Variants in SYN1 observed in about 807,000 individuals in gnomAD.
SYN1 encodes synapsin I.
Under a neutral mutation model 44.6 loss-of-function variants are expected in SYN1, and 8 were observed. That is an observed-to-expected ratio of 0.18 (90% confidence interval 0.11 to 0.32). SYN1 has a LOEUF of 0.32. Among genes scored for constraint, SYN1 ranks in the 10% least tolerant of loss-of-function variants. SYN1 has a pLI of 1.00. For synonymous variants in SYN1, 275 were observed against 280.1 expected, an observed-to-expected ratio of 0.98 and a Z score of 0.18; for missense variants, 451 against 639.4, an observed-to-expected ratio of 0.71 and a Z score of 3.18.
intron 5 of SYN1, among the ~76,000 whole-genome samples, chrX:47,603,311 C>T (rs2057885491): frequency 9.0e-6 from 1 of 111,290 alleles, no homozygotes; most frequent in Non-Finnish European, 1.9e-5. Flanking sequence ...ATCTTCCCAC[C>T]TCAGCTTCCC....
At chrX:47,609,221 G>A (rs1172616266) in intron 1 of SYN1, among the ~76,000 whole-genome samples, 1 of 112,231 alleles carries the variant, frequency 8.9e-6, no homozygotes, top group Non-Finnish European at 1.9e-5. Context: ...CAGGGACAAT[G>A]TACCTTGAAT....
At chrX:47,586,704 G>T (rs764806104) in intron 5 of SYN1, 1 of 1,205,230 alleles carries the variant, frequency 8.3e-7, no homozygotes. Flanking sequence ...CCTGCCCGGA[G>T]TGGAAGCTGA....
chrX:47,596,148 G>A (rs1026743219), intron 5 of SYN1, among the ~76,000 whole-genome samples: 1 of 111,903 alleles, frequency 8.9e-6, no homozygotes, highest in Non-Finnish European at 1.9e-5. Context: ...CATTTCCAGA[G>A]AACTGTCTTT....
intron 5 of SYN1, among the ~76,000 whole-genome samples, chrX:47,581,669 C>T (rs749411778): frequency 8.9e-6 from 1 of 112,199 alleles, no homozygotes; most frequent in South Asian, 3.7e-4. Context: ...TTTCCTCATC[C>T]GTAAAACGGG....
intron 5 of SYN1, among the ~76,000 whole-genome samples, chrX:47,599,861 C>T (rs1221148753): frequency 1.8e-5 from 2 of 111,309 alleles, no homozygotes. Context: ...GATTCAAAGA[C>T]CCAAATAAGT....
At chrX:47,602,711 G>A (rs2057883661) in intron 5 of SYN1, among the ~76,000 whole-genome samples, 1 of 111,531 alleles carries the variant, frequency 9.0e-6, no homozygotes, top group East Asian at 2.8e-4. Flanking sequence ...CACTGTTGAC[G>A]TATATCAGTG....
chrX:47,577,675 C>T (rs1247976530), intron 5 of SYN1, among the ~76,000 whole-genome samples, 174 bp from the exon 6 acceptor site: 2 of 110,653 alleles, frequency 1.8e-5, no homozygotes, highest in Non-Finnish European at 3.8e-5. Flanking sequence ...TCTCCACCTC[C>T]GGGCCCAGAA....
intron 5 of SYN1, chrX:47,586,806 AGTGCCTGG>A: frequency 2.0e-6 from 2 of 978,026 alleles, no homozygotes; most frequent in Non-Finnish European, 2.7e-6. Context: ...GTTTCTGTGT[AGTGCCTGG>A]GAACAAACCC....
rs1343164180 is a variant in SYN1 at position 47,574,755 on chromosome X, C to T, written c.1326G>A (p.Leu442=). 8.4e-7 allele frequency: 1 copy of T among 1,186,550 alleles called. No individual in the cohort carries two copies. The highest frequency in any genetic ancestry group is 1.8e-5 in the African/African-American group (1 of 56,944). Residue 442 remains leucine (L), a synonymous_variant, in exon 11 of 13, where the codon CTG becomes CTA. Coordinates refer to ENST00000295987, the MANE Select transcript of SYN1 (RefSeq NM_006950.3). ...SHGQTPSPGA[L]PLGRQTSQQP... ...GCTGGGAGGTCTGGCGGCCCAAGGG[C>T]AGGGCCCCTGGGGACGGAGTCTGCG... is the stretch of plus-strand genomic sequence containing the variant.
intron 10 of SYN1, 132 bp from the exon 11 acceptor site, chrX:47,574,907 T>C: frequency 1.3e-6 from 1 of 783,713 alleles, no homozygotes; most frequent in Non-Finnish European, 1.9e-6. Flanking sequence ...TACTCTGGGT[T>C]GTGGGGTGGG....
At chrX:47,573,898 CATAGG>C in intron 12 of SYN1, 99 bp downstream of exon 12, 1 of 774,968 alleles carries the variant, frequency 1.3e-6, no homozygotes, top group Non-Finnish European at 1.7e-6. Flanking sequence ...GGGACCCCTG[CATAGG>C]ACCTGGGTCT....
intron 5 of SYN1, among the ~76,000 whole-genome samples, chrX:47,589,494 C>T (rs1392692208): frequency 2.9e-5 from 3 of 102,641 alleles, no homozygotes; most frequent in Non-Finnish European, 3.9e-5. Flanking sequence ...CCCAGCTACT[C>T]GAGAGGCAGG....
intron 5 of SYN1, among the ~76,000 whole-genome samples, chrX:47,603,910 T>A (rs5906439): frequency 0.17 from 11,743 of 68,948 alleles, 848 homozygotes; most frequent in African/African-American, 0.2. Flanking sequence ...ATATATATTT[T>A]TTTTTTTTTT....
chrX:47,605,503 C>T (rs1048325575), intron 3 of SYN1, 124 bp from the exon 4 acceptor site: 14 of 869,348 alleles, frequency 1.6e-5, no homozygotes, highest in Non-Finnish European at 2.3e-5. Context: ...CTCACCTCTG[C>T]ACACATGTGT....
chrX:47,607,727 GAAAAAAAA>G (rs5902397), intron 1 of SYN1, among the ~76,000 whole-genome samples: 7 of 51,734 alleles, frequency 1.4e-4, no homozygotes, highest in African/African-American at 4.3e-4. Flanking sequence ...AAAAAAAATT[GAAAAAAAA>G]AAAAAAAAAA....
intron 5 of SYN1, among the ~76,000 whole-genome samples, chrX:47,603,179 T>C (rs1484501400): frequency 9.0e-6 from 1 of 111,562 alleles, no homozygotes; most frequent in Non-Finnish European, 1.9e-5. Flanking sequence ...TTTGTACTAA[T>C]GGTTTAATTT....
intron 1 of SYN1, among the ~76,000 whole-genome samples, chrX:47,608,166 C>T (rs969389792): frequency 4.6e-5 from 5 of 107,960 alleles, no homozygotes; most frequent in Non-Finnish European, 9.6e-5. Context: ...TGCACCACTG[C>T]ACTCCAGCTT....
At chrX:47,604,346 G>A (rs1270267650) in intron 5 of SYN1, among the ~76,000 whole-genome samples, 7 of 110,695 alleles carry the variant, frequency 6.3e-5, no homozygotes, top group African/African-American at 2.3e-4. Context: ...TCCAACTCCC[G>A]GGTTCAAGTG....
rs753751194 is a variant in SYN1 at position 47,576,634 on chromosome X, C to T, written c.844G>A (p.Val282Ile). 1.8e-5 allele frequency: 22 copies of T among 1,211,862 alleles called. No homozygotes were observed. In the South Asian group the frequency reaches 3.9e-4, roughly 21 times the overall value. ...TCCTGGAAGTCATGCTGGTTGTCAACCTTGACCTGTGGAAGTGCGGGCAAG... is the reference window on the plus strand; with the variant it reads ...TCCTGGAAGTCATGCTGGTTGTCAATCTTGACCTGTGGAAGTGCGGGCAAG... ...HAHSGMGKVK[V>I]DNQHDFQDIA... Residue 282 changes from valine to isoleucine, a missense_variant, in exon 7 of 13, where the codon GTT becomes ATT. By Grantham distance (29) the Val-to-Ile change is conservative. This residue lies in a region of SYN1 where 315 missense variants were observed against 451.4 expected (regional missense o/e 0.70). Transcript: ENST00000295987.
Sources: gnomAD v4.1 joint callset for allele counts (sites outside exome capture counted in the v4.1 genomes callset) on GRCh38, gnomAD v4.1.1 for gene constraint, gnomAD v4.1.1 regional missense constraint, MANE v1.5 for transcripts, NCBI Gene and HGNC (gene_info 2026-07-23, HGNC 2026-07-21) for gene names.